Variants in DNAH5 observed in about 807,000 individuals in gnomAD.
DNAH5 encodes axonemal beta dynein heavy chain 5.
In DNAH5, 372 loss-of-function variants were observed where a neutral mutation model predicts 518.2. The ratio of observed to expected loss-of-function variants is 0.72; its 90% CI spans 0.66 to 0.78. The LOEUF (loss-of-function observed/expected upper bound fraction) is 0.78. Among genes scored for constraint, DNAH5 ranks in the 30% least tolerant of loss-of-function variants. The pLI is 0.00. For missense variants in DNAH5, 5,523 were observed against 5,687.0 expected, an observed-to-expected ratio of 0.97 and a Z score of 0.93; for synonymous variants, 2,039 against 2,025.9, an observed-to-expected ratio of 1.01 and a Z score of -0.17.
Position 13,719,013 on chromosome 5 carries a change from T to A in DNAH5, c.12368A>T (p.His4123Leu). The A allele has an allele frequency of 6.2e-7, 1 of 1,614,156 alleles. No individual in the cohort carries two copies. Among genetic ancestry groups the A allele is most frequent in the Non-Finnish European group, 8.5e-7 (1 of 1,179,992 alleles). ...GGTCATCCAGAGGCGGAACGCATCA[T>A]GTACAAGCTCAGTTTCTATGATTAT... Reference protein sequence around the residue: ...MDIIIETELVHDAFRLWMTTE... With the variant: ...MDIIIETELVLDAFRLWMTTE... The change falls in exon 72 of 79, where the codon CAT becomes CTT. Residue 4123 changes from histidine to leucine, a missense_variant. Physicochemically the swap from His to Leu is moderately conservative, Grantham distance 99. Around this residue, in one of 3 missense-constraint regions of DNAH5, gnomAD observed 5,121 missense variants for 5,223.3 expected, o/e 0.98. Coordinates refer to ENST00000265104, the MANE Select transcript of DNAH5 (RefSeq NM_001369.3).
At chr5:13,880,934 C>T (rs1338093065) in intron 21 of DNAH5, among the ~76,000 whole-genome samples, 2 of 151,794 alleles carry the variant, frequency 1.3e-5, no homozygotes, top group South Asian at 2.1e-4. Flanking sequence ...ATGCTGCTTA[C>T]AAGAGACTCA....
chr5:13,789,808 G>GA (rs1455221880), intron 50 of DNAH5, among the ~76,000 whole-genome samples: 15 of 152,172 alleles, frequency 9.9e-5, no homozygotes, highest in African/African-American at 3.1e-4. Flanking sequence ...AACTTTGAGG[G>GA]AAAAAAATCA....
intron 10 of DNAH5, 77 bp downstream of exon 10, chr5:13,914,443 T>C: frequency 1.3e-6 from 2 of 1,484,726 alleles, no homozygotes; most frequent in Non-Finnish European, 1.9e-6. Context: ...ATATAATAAT[T>C]ACAAAATGAT....
intron 14 of DNAH5, among the ~76,000 whole-genome samples, chr5:13,900,929 C>T (rs1774521088): frequency 6.6e-6 from 1 of 152,140 alleles, no homozygotes; most frequent in South Asian, 2.1e-4. Flanking sequence ...CTAGTGTTTA[C>T]TGACATATTT....
At chr5:13,883,510 CAG>C (rs1297709274) in intron 19 of DNAH5, among the ~76,000 whole-genome samples, 1 of 152,158 alleles carries the variant, frequency 6.6e-6, no homozygotes, top group Non-Finnish European at 1.5e-5. Context: ...TTTGGAATTT[CAG>C]ATAAATCATA....
chr5:13,995,321 T>C (rs1284434061), intron 1 of DNAH5, among the ~76,000 whole-genome samples: 1 of 152,154 alleles, frequency 6.6e-6, no homozygotes, highest in Non-Finnish European at 1.5e-5. Context: ...CTCAGGATAA[T>C]TGTGACAAAA....
chr5:13,859,620 AG>A lies in DNAH5; in HGVS notation c.4797-16del. On this transcript the variant is annotated splice_polypyrimidine_tract_variant and intron_variant, in intron 29 of 78. Coordinates refer to ENST00000265104, the MANE Select transcript of DNAH5 (RefSeq NM_001369.3). Reference sequence around the variant, plus strand: ...GCATATTGTACCTAAAATAAGAAATAGGTTTAGGGTTTGGTTTTGTTTTTGT... The same window carrying A: ...GCATATTGTACCTAAAATAAGAAATAGTTTAGGGTTTGGTTTTGTTTTTGT... The A allele has an allele frequency of 1.9e-6, 3 of 1,613,032 alleles. No homozygotes were observed. The highest frequency in any genetic ancestry group is 2.5e-6 in the Non-Finnish European group (3 of 1,179,008).
intron 47 of DNAH5, among the ~76,000 whole-genome samples, chr5:13,804,931 T>C (rs1038287190): frequency 1.3e-5 from 2 of 152,212 alleles, no homozygotes; most frequent in African/African-American, 4.8e-5. Flanking sequence ...AGATCTTTAA[T>C]ACCTGGCAGA....
chr5:13,727,592 AG>A lies in DNAH5; in HGVS notation c.11947del (p.Leu3983PhefsTer48). The A allele has an allele frequency of 6.2e-7, 1 of 1,613,866 alleles. No homozygotes were observed. The highest frequency in any genetic ancestry group is 2.2e-5 in the East Asian group (1 of 44,832). On this transcript the variant is annotated frameshift_variant, in exon 70 of 79. Transcript: ENST00000265104. LOFTEE classifies it high-confidence loss of function. ...AAGAGATTTATCATAGGCATTTGGAAGAGGTTCCTCCTCCGGGTTTTCCTTA... is the reference window on the plus strand; with the variant it reads ...AAGAGATTTATCATAGGCATTTGGAAAGGTTCCTCCTCCGGGTTTTCCTTA... ...FDKENPEEEP[L>X]PNAYDKSLDC... is the part of the protein sequence containing the mutation.
intron 2 of DNAH5, among the ~76,000 whole-genome samples, chr5:13,929,390 T>C (rs1778198343): frequency 1.3e-5 from 2 of 152,198 alleles, no homozygotes; most frequent in South Asian, 4.1e-4. Context: ...GTTTTTGTAA[T>C]AAAAAGCATT....
chr5:13,913,695 AGT>A, intron 11 of DNAH5, 46 bp downstream of exon 11: 1 of 1,601,258 alleles, frequency 6.2e-7, no homozygotes, highest in Non-Finnish European at 8.5e-7. Context: ...AAAATATTGA[AGT>A]TTAGTTGTGG....
At chr5:13,987,231 C>T (rs2152071601) in intron 1 of DNAH5, among the ~76,000 whole-genome samples, 1 of 152,166 alleles carries the variant, frequency 6.6e-6, no homozygotes. Context: ...TTTCATAACA[C>T]AAATCCTTGC....
intron 60 of DNAH5, among the ~76,000 whole-genome samples, chr5:13,761,016 A>G (rs1020839220): frequency 2.6e-5 from 4 of 152,216 alleles, no homozygotes; most frequent in Non-Finnish European, 5.9e-5. Context: ...GTAAGAATAT[A>G]AGAGAACAGA....
At chr5:13,868,149 T>G (rs1284726026) in intron 24 of DNAH5, among the ~76,000 whole-genome samples, 157 bp from the exon 25 acceptor site, 1 of 152,214 alleles carries the variant, frequency 6.6e-6, no homozygotes, top group African/African-American at 2.4e-5. Context: ...AGGTTAACTG[T>G]GCAACTGAGC....
At chr5:13,999,420 T>G (rs78869538) in intron 1 of DNAH5, among the ~76,000 whole-genome samples, 3,586 of 152,346 alleles carry the variant, frequency 0.024, 58 homozygotes, top group South Asian at 0.045. Context: ...TGAATTTGAG[T>G]ATTTTAGATA....
At chr5:13,902,763 G>A (rs1050451574) in intron 12 of DNAH5, among the ~76,000 whole-genome samples, 3 of 152,096 alleles carry the variant, frequency 2.0e-5, no homozygotes, top group Non-Finnish European at 4.4e-5. Context: ...TAGATAAGGG[G>A]TCCAGGTTTA....
rs375321703 is a variant in DNAH5 at position 13,923,342 on chromosome 5, C to A, written c.376G>T (p.Val126Leu). Residue 126 changes from valine (V) to leucine (L), a missense_variant, in exon 4 of 79, where the codon GTA (valine) becomes TTA (leucine). Around this residue, in one of 3 missense-constraint regions of DNAH5, gnomAD observed 5,121 missense variants for 5,223.3 expected, o/e 0.98. Transcript: ENST00000265104. ...TEGNDVALTG[V>L]CVFFIRTDPS... The stretch of plus-strand genomic sequence containing the variant: ...TCAGTCCTGATGAAGAACACACATA[C>A]CCCAGTAAGAGCCACATCGTTTCCC... The A allele has an allele frequency of 2.5e-5, 41 of 1,613,990 alleles. No individual in the cohort carries two copies. The highest frequency in any genetic ancestry group is 3.3e-5 in the Admixed American group (2 of 60,006).
In DNAH5 at chr5:13,718,928, G is replaced by A. The variant is rs764777394; in HGVS notation, c.12453C>T (p.Asn4151=). 18 of 1,613,974 alleles carry A rather than the reference G, an allele frequency of 1.1e-5. No individual in the cohort carries two copies. Among genetic ancestry groups the A allele is most frequent in the African/African-American group, 8.0e-5 (6 of 74,896 alleles). ...CTGCCCGGAGTCCTTGTGGAGGATC[G>A]TTGGCAAATTTAATGGACATCTGAA... The part of the protein sequence containing the change: ...TLLQMSIKFA[N]DPPQGLRAGL... The change falls in exon 72 of 79, where the codon AAC becomes AAT. Residue 4151 remains asparagine, a synonymous_variant. Coordinates refer to ENST00000265104, the MANE Select transcript of DNAH5 (RefSeq NM_001369.3).
intron 1 of DNAH5, among the ~76,000 whole-genome samples, chr5:13,973,983 T>C (rs1350168743): frequency 1.3e-5 from 2 of 152,212 alleles, no homozygotes; most frequent in Non-Finnish European, 2.9e-5. Flanking sequence ...AATTATGTGA[T>C]CATCCTCACT....
Sources: allele counts gnomAD v4.1 joint callset (sites outside exome capture counted in the v4.1 genomes callset), GRCh38; gene constraint gnomAD v4.1.1; regional missense constraint gnomAD v4.1.1; transcripts MANE v1.5; gene names NCBI Gene and HGNC (gene_info 2026-07-23, HGNC 2026-07-21).